Variants in BAIAP2L2 observed in about 807,000 individuals in gnomAD.
BAIAP2L2 encodes the protein BAR/IMD domain containing adaptor protein 2 like 2.
In BAIAP2L2, 65 loss-of-function variants were observed where a neutral mutation model predicts 60.4. The ratio of observed to expected loss-of-function variants is 1.08; its 90% CI spans 0.88 to 1.32. BAIAP2L2 has a LOEUF of 1.32. Ranked by LOEUF, BAIAP2L2 falls within the 40% of genes most tolerant of loss-of-function variation. BAIAP2L2 has a pLI of 0.00. For synonymous variants in BAIAP2L2, 344 were observed against 301.7 expected (o/e 1.14, Z -1.45); for missense variants, 836 against 741.2 (o/e 1.13, Z -1.48).
intron 4 of BAIAP2L2, among the ~76,000 whole-genome samples, chr22:38,104,541 G>C (rs1189444877): frequency 6.6e-6 from 1 of 150,988 alleles, no homozygotes; most frequent in African/African-American, 2.4e-5. Flanking sequence ...TGTCGCCCAG[G>C]CTGGAGTGCA....
Position 38,089,112 on chromosome 22 carries a change from G to C in BAIAP2L2, c.885C>G (p.Pro295=). 7.3e-7 allele frequency: 1 copy of C among 1,373,146 alleles called. No homozygotes were observed. The highest frequency in any genetic ancestry group is 1.5e-5 in the African/African-American group (1 of 65,466). 85.1% of individuals were successfully genotyped at this position (1,373,146 alleles called of 1,614,324 possible). Residue 295 remains proline (P), a synonymous_variant, in exon 9 of 14, where the codon CCC becomes CCG. Coordinates refer to ENST00000381669, the MANE Select transcript of BAIAP2L2 (RefSeq NM_025045.6). The part of the protein sequence containing the change: ...SQLEPDRRSL[P]RTPSASSLYS... ...GGCACTCACAGGCCGACGGCGTGCG[G>C]GGCAGGGAGCGACGGTCTGGCTCTA...
chr22:38,107,222 C>T (rs1370166445), intron 4 of BAIAP2L2, among the ~76,000 whole-genome samples: 1 of 152,016 alleles, frequency 6.6e-6, no homozygotes, highest in African/African-American at 2.4e-5. Context: ...ACTGGACTTG[C>T]CCCAGGGAGT....
Position 38,088,772 on chromosome 22 carries a change from T to C in BAIAP2L2, c.1094A>G (p.Tyr365Cys). The change falls in exon 10 of 14, where the codon TAC (tyrosine) becomes TGC (cysteine). Residue 365 changes from tyrosine (Y) to cysteine (C), a missense_variant. By Grantham distance (194) the Tyr-to-Cys change is radical. Transcript: ENST00000381669. ...CGCGGACGAGCCCTCCAGCTTGCCG[T>C]AGAGCCAGCCGTTCTGGGCCTCGGG... ...LVPEAQNGWL[Y>C]GKLEGSSASG... The C allele has an allele frequency of 8.4e-6, 13 of 1,547,040 alleles. No homozygotes were observed. The highest frequency in any genetic ancestry group is 2.2e-5 in the South Asian group (2 of 90,030).
intron 11 of BAIAP2L2, 64 bp downstream of exon 11, chr22:38,087,060 C>G: frequency 6.8e-7 from 1 of 1,461,116 alleles, no homozygotes; most frequent in Non-Finnish European, 9.0e-7. Context: ...CAGATCCTCT[C>G]CGCTGGGCAG....
intron 4 of BAIAP2L2, among the ~76,000 whole-genome samples, chr22:38,104,972 G>A (rs557794492): frequency 4.6e-5 from 7 of 152,256 alleles, no homozygotes; most frequent in African/African-American, 1.7e-4. Flanking sequence ...GGGGAGGCTG[G>A]CAAAGTTCTG....
chr22:38,090,118 T>TTATTTTTTTTTA, intron 7 of BAIAP2L2: 1 of 123,170 alleles, frequency 8.1e-6, no homozygotes, highest in Non-Finnish European at 1.7e-5. Context: ...TTTTTTTTTT[T>TTATTTTTTTTTA]TTTTTTTTTT....
chr22:38,088,718 A>T, intron 10 of BAIAP2L2, 30 bp downstream of exon 10: 420 of 862,012 alleles, frequency 4.9e-4, no homozygotes, highest in Non-Finnish European at 6.9e-4. Flanking sequence ...TTCTCAACCC[A>T]CCCCCGGCCC....
chr22:38,104,533 T>C (rs1413011742), intron 4 of BAIAP2L2, among the ~76,000 whole-genome samples: 1 of 150,752 alleles, frequency 6.6e-6, no homozygotes, highest in Non-Finnish European at 1.5e-5. Context: ...TATTGCTCTG[T>C]CGCCCAGGCT....
At position 38,086,298 on chromosome 22, in the gene BAIAP2L2, A is replaced by C; in HGVS notation, c.1411T>G (p.Leu471Val). The part of the protein sequence containing the change: ...SRAPSPAPPP[L>V]PSSRRSSMGS... ...ATGCTGCTGCGGCGGCTGCTGGGCA[A>C]GGGTGGAGGTGCAGGGCTGGGGGCA... Residue 471 changes from leucine (L) to valine (V), a missense_variant, in exon 12 of 14, where the codon TTG becomes GTG. Transcript: ENST00000381669. 6.3e-7 allele frequency: 1 copy of C among 1,588,094 alleles called. No individual in the cohort carries two copies. The highest frequency in any genetic ancestry group is 8.6e-7 in the Non-Finnish European group (1 of 1,163,544).
At chr22:38,089,404 A>G (rs1601997622) in intron 8 of BAIAP2L2, 118 bp downstream of exon 8, 1 of 607,900 alleles carries the variant, frequency 1.6e-6, no homozygotes, top group Non-Finnish European at 2.4e-6. Flanking sequence ...AGGCCGGGGG[A>G]TGCAGCGTAG....
At chr22:38,109,255 C>T (rs759499663) in intron 1 of BAIAP2L2, 47 bp from the exon 2 acceptor site, 90 of 1,473,436 alleles carry the variant, frequency 6.1e-5, no homozygotes, top group Admixed American at 2.0e-4. Flanking sequence ...GATGGGGGAG[C>T]GAGAAGGAAC....
At chr22:38,090,118 T>TTTATTTTTTTTA (rs1555964443) in intron 7 of BAIAP2L2, 1 of 123,086 alleles carries the variant, frequency 8.1e-6, no homozygotes, top group Admixed American at 9.4e-5. Flanking sequence ...TTTTTTTTTT[T>TTTATTTTTTTTA]TTTTTTTTTT....
chr22:38,101,491 G>A (rs1277932770), intron 4 of BAIAP2L2, among the ~76,000 whole-genome samples: 2 of 133,598 alleles, frequency 1.5e-5, no homozygotes, highest in Admixed American at 8.5e-5. Flanking sequence ...AGGCTGCAAT[G>A]AGCTGTGACT....
chr22:38,086,349 G>C lies in BAIAP2L2; in HGVS notation c.1360C>G (p.Arg454Gly). 1.3e-6 allele frequency: 1 copy of C among 774,236 alleles called. No homozygotes were observed. The highest frequency in any genetic ancestry group is 1.9e-6 in the Non-Finnish European group (1 of 525,024). The allele number at this position is 774,236 out of a possible 1,614,324, so 48.0% of individuals were successfully genotyped here. Residue 454 changes from arginine (R) to glycine (G), a missense_variant, in exon 12 of 14, where the codon CGC becomes GGC. Coordinates refer to ENST00000381669, the MANE Select transcript of BAIAP2L2 (RefSeq NM_025045.6). The stretch of plus-strand genomic sequence containing the variant: ...CGGCTTGGCACCCGGCTTGGGGTGC[G>C]GGAGCGGGACTGGCCATCCCAGTAC... ...SEYWDGQSRSRTPSRVPSRAP... is the reference protein window; with the variant it reads ...SEYWDGQSRSGTPSRVPSRAP...
intron 5 of BAIAP2L2, 49 bp from the exon 6 acceptor site, chr22:38,098,228 C>T (rs548050897): frequency 1.3e-6 from 2 of 1,580,978 alleles, no homozygotes. Flanking sequence ...CATCAGAGAG[C>T]TCAAGACACC....
intron 7 of BAIAP2L2, among the ~76,000 whole-genome samples, chr22:38,092,431 C>G (rs1429579754): frequency 6.6e-6 from 1 of 152,092 alleles, no homozygotes; most frequent in African/African-American, 2.4e-5. Context: ...CATCCGCCAC[C>G]ATTCCTGACT....
intron 11 of BAIAP2L2, 96 bp downstream of exon 11, chr22:38,087,027 CA>C (rs1029950529): frequency 8.2e-7 from 1 of 1,225,792 alleles, no homozygotes. Context: ...AACAAAAAAA[CA>C]AAAAAACAAG....
intron 4 of BAIAP2L2, among the ~76,000 whole-genome samples, chr22:38,104,659 C>G (rs1363689077): frequency 6.6e-6 from 1 of 151,972 alleles, no homozygotes; most frequent in Non-Finnish European, 1.5e-5. Flanking sequence ...CCATGCCCGG[C>G]TAATTGTTTT....
At chr22:38,099,710 T>C (rs1333844831) in intron 4 of BAIAP2L2, among the ~76,000 whole-genome samples, 2 of 152,024 alleles carry the variant, frequency 1.3e-5, no homozygotes, top group East Asian at 3.9e-4. Context: ...TGCAGGAGGG[T>C]TCAGGCTGCA....
Sources: allele counts gnomAD v4.1 joint callset (sites outside exome capture counted in the v4.1 genomes callset), GRCh38; gene constraint gnomAD v4.1.1; transcripts MANE v1.5; gene names NCBI Gene and HGNC (gene_info 2026-07-23, HGNC 2026-07-21).